Variants in CSF2RB observed in about 807,000 individuals in gnomAD.
CSF2RB encodes colony stimulating factor 2 receptor subunit beta, also known as cytokine receptor common subunit beta.
Under a neutral mutation model 67.2 loss-of-function variants are expected in CSF2RB, and 22 were observed. That is an observed-to-expected ratio of 0.33 (90% CI 0.23 to 0.47). The LOEUF is 0.47. Among genes scored for constraint, CSF2RB ranks in the 20% least tolerant of loss-of-function variants. The pLI, the probability that CSF2RB is intolerant of heterozygous loss-of-function variation, is 1.00. For missense variants in CSF2RB, 1,113 were observed against 1,174.5 expected, an observed-to-expected ratio of 0.95 and a Z score of 0.76; for synonymous variants, 507 against 482.9, an observed-to-expected ratio of 1.05 and a Z score of -0.65.
At position 36,937,350 on chromosome 22, in the gene CSF2RB, A is replaced by G; in HGVS notation, c.1569-27A>G. On this transcript the variant is annotated intron_variant, in intron 13 of 13. Transcript: ENST00000403662. This position sits in a 1 kb window ranked among gnomAD's most constrained non-coding sequence, Gnocchi z 4.6. ...GGATCATCTGCCCAGGGTGGTCCCA[A>G]CTCTTCTGCCCATTTTCTTCCCACA... The G allele has an allele frequency of 6.2e-7, 1 of 1,610,168 alleles. No individual in the cohort carries two copies. Among genetic ancestry groups the G allele is most frequent in the East Asian group, 2.2e-5 (1 of 44,848 alleles).
Position 36,933,972 on chromosome 22 carries a change from G to A in CSF2RB, c.1293G>A (p.Ala431=), listed in dbSNP as rs764949392. 8.7e-6 allele frequency: 14 copies of A among 1,612,748 alleles called. No homozygotes were observed. Among genetic ancestry groups the A allele is most frequent in the Admixed American group, 3.3e-5 (2 of 60,016 alleles). The change falls in exon 10 of 14, where the codon GCG becomes GCA. Residue 431 remains alanine, a synonymous_variant. Transcript: ENST00000403662. ...GGATCTGGAGCGAGTGGAGTGAGGC[G>A]CGCTCCTGGGACACCGAGTCGGGTA... is the stretch of plus-strand genomic sequence containing the variant. ...YNGIWSEWSE[A]RSWDTESVLP... is the part of the protein sequence containing the mutation.
chr22:36,935,301 G>A lies in CSF2RB; in HGVS notation c.1316-50G>A, dbSNP rs775157602. ...CAACCCCACTCCCTGCCCTGAGGTC[G>A]ATTTCCCGCCCAGATGCTGACATTC... On this transcript the variant is annotated intron_variant, in intron 10 of 13. Transcript: ENST00000403662. 9.5e-6 allele frequency: 15 copies of A among 1,584,364 alleles called. No homozygotes were observed. The African/African-American group carries it at 1.1e-4, about 11-fold the overall frequency.
chr22:36,920,540 T>TA, intron 1 of CSF2RB, among the ~76,000 whole-genome samples: 1 of 152,384 alleles, frequency 6.6e-6, no homozygotes, highest in African/African-American at 2.4e-5. Context: ...ACTTTGTTAC[T>TA]AGTAAGCCAC....
intron 4 of CSF2RB, among the ~76,000 whole-genome samples, chr22:36,928,571 C>G (rs1274366304): frequency 6.6e-6 from 1 of 152,200 alleles, no homozygotes. Context: ...CCTCAGCAAG[C>G]AGACACCAGA....
Position 36,937,379 on chromosome 22 carries a change from T to A in CSF2RB, c.1571T>A (p.Val524Glu). ...WGSRFPELEGVFPVGFGDSEV... is the reference protein window; with the variant it reads ...WGSRFPELEGEFPVGFGDSEV... ...TTCTGCCCATTTTCTTCCCACAGGGTGTTCCCTGTAGGATTCGGGGACAGC... is the reference window on the plus strand; with the variant it reads ...TTCTGCCCATTTTCTTCCCACAGGGAGTTCCCTGTAGGATTCGGGGACAGC... The change falls in exon 14 of 14, where the codon GTG becomes GAG. Residue 524 changes from valine to glutamate, a missense_variant and splice_region_variant. Val to Glu is a moderately radical substitution (Grantham distance 121, BLOSUM62 -2). Coordinates refer to ENST00000403662, the MANE Select transcript of CSF2RB (RefSeq NM_000395.3). The surrounding 1 kb of genome is among the most constrained non-coding windows in gnomAD (Gnocchi z 4.6). The A allele has an allele frequency of 1.9e-6, 3 of 1,613,242 alleles. No homozygotes were observed. The highest frequency in any genetic ancestry group is 2.5e-6 in the Non-Finnish European group (3 of 1,179,918).
intron 1 of CSF2RB, among the ~76,000 whole-genome samples, chr22:36,915,282 A>C (rs557188805): frequency 6.6e-6 from 1 of 151,992 alleles, no homozygotes; most frequent in Admixed American, 6.6e-5. Flanking sequence ...ACAGGGTTTC[A>C]CCATATTGGC....
At chr22:36,924,725 T>TG (rs1940969350) in intron 3 of CSF2RB, among the ~76,000 whole-genome samples, 1 of 152,126 alleles carries the variant, frequency 6.6e-6, no homozygotes, top group South Asian at 2.1e-4. Context: ...TCTTCCTACT[T>TG]GACCAGGGGC....
rs1941006682 is a variant in CSF2RB at position 36,925,977 on chromosome 22, C to T, written c.201-10C>T. On this transcript the variant is annotated splice_polypyrimidine_tract_variant and intron_variant, in intron 3 of 13. Coordinates refer to ENST00000403662, the MANE Select transcript of CSF2RB (RefSeq NM_000395.3). ...TACACCCTGGGCTAAGCCGTGTCCTCTCCCAACAGGGACCTCCTGGAGCCA... is the reference window on the plus strand; with the variant it reads ...TACACCCTGGGCTAAGCCGTGTCCTTTCCCAACAGGGACCTCCTGGAGCCA... The T allele has an allele frequency of 6.2e-7, 1 of 1,614,210 alleles. No individual in the cohort carries two copies. Among genetic ancestry groups the T allele is most frequent in the Non-Finnish European group, 8.5e-7 (1 of 1,180,038 alleles).
At chr22:36,921,935 G>T in intron 1 of CSF2RB, 101 bp from the exon 2 acceptor site, 1 of 570,062 alleles carries the variant, frequency 1.8e-6, no homozygotes, top group South Asian at 2.1e-5. Context: ...GAGAGGTCAT[G>T]CATGAGGGCC....
rs555832299 is a variant in CSF2RB at position 36,939,458 on chromosome 22, C to T, written c.*956C>T. 4.5e-5 allele frequency: 25 copies of T among 550,180 alleles called. No individual in the cohort carries two copies. The highest frequency in any genetic ancestry group is 1.1e-4 in the African/African-American group (6 of 53,294). 34.1% of individuals were successfully genotyped at this position (550,180 alleles called of 1,614,324 possible). The stretch of plus-strand genomic sequence containing the variant: ...TAGACCAGGCAACTCTCCCTCCCAC[C>T]GGCCACAGATGAGGGGCTGCTGATC... On this transcript the variant is annotated 3_prime_UTR_variant, in exon 14 of 14. Coordinates refer to ENST00000403662, the MANE Select transcript of CSF2RB (RefSeq NM_000395.3).
Position 36,938,914 on chromosome 22 carries a change from T to G in CSF2RB, c.*412T>G. ...GAGCCTTATCAGACTGAGATGCGGCTGGTTGTGTTGAGGACTTGTGTGGGC... is the reference window on the plus strand; with the variant it reads ...GAGCCTTATCAGACTGAGATGCGGCGGGTTGTGTTGAGGACTTGTGTGGGC... On this transcript the variant is annotated 3_prime_UTR_variant, in exon 14 of 14. Transcript: ENST00000403662. 1 of 585,878 alleles carries G rather than the reference T, an allele frequency of 1.7e-6. No individual in the cohort carries two copies. Among genetic ancestry groups the G allele is most frequent in the African/African-American group, 1.9e-5 (1 of 53,774 alleles). The allele number at this position is 585,878 out of a possible 1,614,324, so 36.3% of individuals were successfully genotyped here.
chr22:36,936,602 G>A lies in CSF2RB; in HGVS notation c.1518G>A (p.Gly506=). 6.2e-7 allele frequency: 1 copy of A among 1,613,690 alleles called. No homozygotes were observed. Among genetic ancestry groups the A allele is most frequent in the Non-Finnish European group, 8.5e-7 (1 of 1,180,022 alleles). The change falls in exon 13 of 14, where the codon GGG becomes GGA. Residue 506 remains glycine, a synonymous_variant. Transcript: ENST00000403662. ...PPGSMSAFTS[G]SPPHQGPWGS... ...GCAGCATGTCGGCCTTCACTAGCGG[G>A]AGTCCCCCACACCAGGGGCCGTGGG...
In CSF2RB at chr22:36,940,371, A is replaced by T. The variant is rs1569142375; in HGVS notation, c.*1869A>T. 6.6e-6 allele frequency: 1 copy of T among 152,244 alleles called. No homozygotes were observed. The highest frequency in any genetic ancestry group is 1.9e-4 in the East Asian group (1 of 5,198). 9.4% of individuals were successfully genotyped at this position (152,244 alleles called of 1,614,324 possible). On this transcript the variant is annotated 3_prime_UTR_variant, in exon 14 of 14. Coordinates refer to ENST00000403662, the MANE Select transcript of CSF2RB (RefSeq NM_000395.3). ...AATGTGGATTAGAAAGAAGTCCGAG[A>T]TATTAATTCCAAAATATCCAGACAT...
rs1050599256 is a variant in CSF2RB at position 36,930,557 on chromosome 22, C to T, written c.854+47C>T. 2.7e-5 allele frequency: 44 copies of T among 1,611,808 alleles called. No individual in the cohort carries two copies. The Admixed American group carries it at 4.8e-4, about 18-fold the overall frequency. On this transcript the variant is annotated intron_variant, in intron 7 of 13. Transcript: ENST00000403662. ...CCCCTCCCCTCCTCTTGGCCTTGCT[C>T]TCTCCAAGCTTCCTCCTGTCCCTGG...
At chr22:36,926,235 C>T (rs1174911959) in intron 4 of CSF2RB, 58 bp downstream of exon 4, 1 of 1,566,576 alleles carries the variant, frequency 6.4e-7, no homozygotes, top group Non-Finnish European at 8.7e-7. Context: ...GCGGGGGCAC[C>T]AGGGGTGGTC....
chr22:36,936,691 C>G, intron 13 of CSF2RB, 39 bp downstream of exon 13: 1 of 1,542,816 alleles, frequency 6.5e-7, no homozygotes, highest in East Asian at 2.3e-5. Context: ...CTTTGGGGTT[C>G]ATACGGGGGG....
rs767940994 is a variant in CSF2RB at position 36,930,812 on chromosome 22, A to T, written c.994A>T (p.Ile332Leu). The change falls in exon 8 of 14, where the codon ATA becomes TTA. Residue 332 changes from isoleucine (I) to leucine (L), a missense_variant. Physicochemically the swap from Ile to Leu is conservative, Grantham distance 5. Around this residue, in one of 2 missense-constraint regions of CSF2RB, gnomAD observed 559 missense variants for 656.5 expected, o/e 0.85. Transcript: ENST00000403662. The part of the protein sequence containing the change: ...SVQPRRAEKH[I>L]KSSVNIQMAP... Reference sequence around the variant, plus strand: ...TCAGCCAAGGAGGGCAGAGAAACACATAAAGAGCTCAGTGAACAGTGAGTT... The same window carrying T: ...TCAGCCAAGGAGGGCAGAGAAACACTTAAAGAGCTCAGTGAACAGTGAGTT... The T allele has an allele frequency of 6.2e-7, 1 of 1,614,162 alleles. No homozygotes were observed. The highest frequency in any genetic ancestry group is 8.5e-7 in the Non-Finnish European group (1 of 1,180,028).
chr22:36,933,556 G>T (rs1174246054), intron 9 of CSF2RB, among the ~76,000 whole-genome samples: 1 of 152,232 alleles, frequency 6.6e-6, no homozygotes, highest in Non-Finnish European at 1.5e-5. Flanking sequence ...GAGCTGAGAA[G>T]GCTCAAAATA....
intron 12 of CSF2RB, 70 bp downstream of exon 12, chr22:36,935,757 T>A: frequency 6.6e-7 from 1 of 1,515,042 alleles, no homozygotes; most frequent in Non-Finnish European, 9.0e-7. Flanking sequence ...TGTCCCCACC[T>A]CCTCCTTCCC....
Sources: gnomAD v4.1 joint callset for allele counts (sites outside exome capture counted in the v4.1 genomes callset) on GRCh38, gnomAD v4.1.1 for gene constraint, gnomAD v4.1.1 regional missense constraint, Gnocchi (gnomAD v3.1) non-coding constraint, MANE v1.5 for transcripts, NCBI Gene and HGNC (gene_info 2026-07-23, HGNC 2026-07-21) for gene names.